Variants in ZNF536 observed in about 807,000 individuals in gnomAD.
The protein encoded by ZNF536 is zinc finger protein 536.
ZNF536 carries 13 observed loss-of-function variants against 84.5 expected under a neutral mutation model. The ratio of observed to expected loss-of-function variants is 0.15; its 90% confidence interval spans 0.10 to 0.24. The LOEUF (loss-of-function observed/expected upper bound fraction) is 0.24. Ranked by LOEUF, ZNF536 falls within the 10% of genes least tolerant of loss-of-function variation. ZNF536 has a pLI of 1.00. For missense variants in ZNF536, 1,536 were observed against 1,747.5 expected (o/e 0.88, Z 2.16); for synonymous variants, 811 against 742.5 (o/e 1.09, Z -1.50).
At chr19:30,227,671 G>C (rs1285163948), upstream of ZNF536, among the ~76,000 whole-genome samples, 1 of 151,782 alleles carries the variant, frequency 6.6e-6, no homozygotes, top group Non-Finnish European at 1.5e-5. Context: ...GGCGAGGGGC[G>C]AGCGGGAGGG....
At chr19:30,226,033 G>A (rs1307664714), upstream of ZNF536, among the ~76,000 whole-genome samples, 1 of 152,016 alleles carries the variant, frequency 6.6e-6, no homozygotes, top group Non-Finnish European at 1.5e-5. This position sits in a 1 kb window ranked among gnomAD's most constrained non-coding sequence, Gnocchi z 4.6. Flanking sequence ...AGCGGGACCT[G>A]CGCCTGGGCC....
chr19:30,503,159 GCACA>G (rs34574367), intron 2 of ZNF536, among the ~76,000 whole-genome samples: 116 of 148,488 alleles, frequency 7.8e-4, no homozygotes, highest in East Asian at 5.4e-3. Context: ...ATGTGTGTAT[GCACA>G]CACACACACA....
At chr19:30,642,361 GTTC>G (rs1247396453) in intron 1 of ZNF536, among the ~76,000 whole-genome samples, 11 of 152,190 alleles carry the variant, frequency 7.2e-5, no homozygotes, top group Non-Finnish European at 1.5e-5. Context: ...TTGCAGGAAA[GTTC>G]TTCTAGTCAA....
At chr19:30,409,866 A>C (rs2080059044) in intron 1 of ZNF536, among the ~76,000 whole-genome samples, 1 of 152,166 alleles carries the variant, frequency 6.6e-6, no homozygotes, top group African/African-American at 2.4e-5. Flanking sequence ...ATATCTCTCT[A>C]TATAGATGTA....
chr19:30,523,225 C>A (rs2044437452), intron 2 of ZNF536, among the ~76,000 whole-genome samples: 1 of 152,132 alleles, frequency 6.6e-6, no homozygotes, highest in Non-Finnish European at 1.5e-5. Flanking sequence ...CACAGATCTG[C>A]CCCCTCCCCA....
intron 1 of ZNF536, among the ~76,000 whole-genome samples, chr19:30,253,093 G>A (rs548457194): frequency 1.3e-5 from 2 of 152,264 alleles, no homozygotes; most frequent in South Asian, 4.1e-4. Flanking sequence ...CACCCTTTAG[G>A]CAAATCTTTA....
chr19:30,511,740 A>G (rs1489959018), intron 2 of ZNF536, among the ~76,000 whole-genome samples: 1 of 152,210 alleles, frequency 6.6e-6, no homozygotes, highest in Non-Finnish European at 1.5e-5. Context: ...TCACATTATT[A>G]TTTAAGTCGG....
rs1331053606 is a variant in ZNF536, at chr19:30,228,986, C to A, written c.-190+313C>A. Among the ~76,000 whole-genome samples, 4 of 151,088 alleles carry A rather than the reference C, an allele frequency of 2.6e-5. No individual in the cohort carries two copies. The highest frequency in any genetic ancestry group is 9.7e-5 in the African/African-American group (4 of 41,040). On this transcript the variant is annotated intron_variant, in intron 1 of 5. Coordinates refer to the ZNF536 transcript ENST00000585628. The surrounding 1 kb of genome is among the most constrained non-coding windows in gnomAD (Gnocchi z 4.5). ...TTGGGCATCTTGCCTGGGTCGGGGG[C>A]GGGCAGTCGGTCCCAGTGGCCGCCG... is the stretch of plus-strand genomic sequence containing the variant.
At chr19:30,682,345 G>T (rs1181395375) in intron 1 of ZNF536, among the ~76,000 whole-genome samples, 1 of 152,184 alleles carries the variant, frequency 6.6e-6, no homozygotes, top group Non-Finnish European at 1.5e-5. Flanking sequence ...GACATGATGA[G>T]ATGTACCGTT....
intron 1 of ZNF536, among the ~76,000 whole-genome samples, chr19:30,580,125 A>G (rs1445633220): frequency 6.6e-6 from 1 of 152,064 alleles, no homozygotes; most frequent in Non-Finnish European, 1.5e-5. Flanking sequence ...TCTTGCCCTC[A>G]GGGGATCCAT....
chr19:30,493,755 T>G (rs1338685924), intron 2 of ZNF536, among the ~76,000 whole-genome samples: 2 of 152,184 alleles, frequency 1.3e-5, no homozygotes, highest in African/African-American at 4.8e-5. Flanking sequence ...ACGTTCCACT[T>G]AGGGGCTGTT....
chr19:30,567,255 G>A lies in ZNF536; in HGVS notation c.169+17741G>A, dbSNP rs980462850. 3.9e-5 allele frequency among the ~76,000 whole-genome samples: 6 copies of A among 152,242 alleles called. 1 individual carries two copies. The highest frequency in any genetic ancestry group is 4.1e-4 in the South Asian group (2 of 4,834). On this transcript the variant is annotated intron_variant, in intron 1 of 1. Coordinates refer to the ZNF536 transcript ENST00000592773. Reference sequence around the variant, plus strand: ...CTGAGCCACGATTCTGCGATTTGGCGATCCTAACCTGAGACAGGGCCTGGG... The same window carrying A: ...CTGAGCCACGATTCTGCGATTTGGCAATCCTAACCTGAGACAGGGCCTGGG...
At chr19:30,638,490 G>A (rs565837232) in intron 1 of ZNF536, among the ~76,000 whole-genome samples, 2 of 152,142 alleles carry the variant, frequency 1.3e-5, no homozygotes, top group Non-Finnish European at 2.9e-5. Flanking sequence ...AAGCGTGAGA[G>A]GGGGGAAGTG....
intron 1 of ZNF536, among the ~76,000 whole-genome samples, chr19:30,236,854 A>T (rs1475256533): frequency 6.6e-6 from 1 of 152,112 alleles, no homozygotes; most frequent in Admixed American, 6.5e-5. Flanking sequence ...GCATGTTGGC[A>T]TGTTTGTTCT....
intron 2 of ZNF536, among the ~76,000 whole-genome samples, chr19:30,472,271 A>G (rs1385983390): frequency 6.8e-6 from 1 of 146,978 alleles, no homozygotes; most frequent in Non-Finnish European, 1.5e-5. Context: ...ATTGGTCAGC[A>G]TCTTGCATGC....
At chr19:30,578,630 G>A (rs546383609) in intron 1 of ZNF536, among the ~76,000 whole-genome samples, 1 of 152,346 alleles carries the variant, frequency 6.6e-6, no homozygotes, top group Admixed American at 6.5e-5. Context: ...TTTAGGTCTA[G>A]TTTTTTGCAG....
At chr19:30,584,481 TTAAA>T (rs2047029309) in intron 1 of ZNF536, among the ~76,000 whole-genome samples, 1 of 152,166 alleles carries the variant, frequency 6.6e-6, no homozygotes, top group African/African-American at 2.4e-5. Context: ...GCACTCCTGA[TTAAA>T]TAAAAGTGTG....
chr19:30,593,565 CTT>C (rs982264258), intron 1 of ZNF536, among the ~76,000 whole-genome samples: 2 of 152,194 alleles, frequency 1.3e-5, no homozygotes, highest in African/African-American at 4.8e-5. Context: ...GGCTGTGACT[CTT>C]TGGCAAAGCA....
At chr19:30,475,662 G>T (rs567655847) in intron 2 of ZNF536, among the ~76,000 whole-genome samples, 1 of 152,128 alleles carries the variant, frequency 6.6e-6, no homozygotes, top group Non-Finnish European at 1.5e-5. Flanking sequence ...AGAAACGGGG[G>T]TACAGCCACA....
Sources: allele counts gnomAD v4.1 joint callset (sites outside exome capture counted in the v4.1 genomes callset), GRCh38; gene constraint gnomAD v4.1.1; non-coding constraint Gnocchi (gnomAD v3.1); transcripts MANE v1.5; gene names NCBI Gene and HGNC (gene_info 2026-07-23, HGNC 2026-07-21).